Variants in FMN1 observed in about 807,000 individuals in gnomAD.
FMN1 encodes formin 1, also known as formin-1.
In FMN1, 110 loss-of-function variants were observed where a neutral mutation model predicts 132.4. The ratio of observed to expected loss-of-function variants is 0.83; its 90% confidence interval spans 0.71 to 0.97. The LOEUF is 0.97. Among genes scored for constraint, FMN1 ranks in the 50% least tolerant of loss-of-function variants. The probability of loss-of-function intolerance (pLI) is 0.00; values close to 1 mark genes in which losing one functional copy is unlikely to be tolerated. For missense variants in FMN1, 1,792 were observed against 1,705.3 expected (o/e 1.05, Z -0.90); for synonymous variants, 722 against 651.7 (o/e 1.11, Z -1.64).
intron 10 of FMN1, among the ~76,000 whole-genome samples, chr15:32,915,770 T>C (rs2060669891): frequency 6.6e-6 from 1 of 152,252 alleles, no homozygotes; most frequent in African/African-American, 2.4e-5. Flanking sequence ...GCTACTGCAA[T>C]ATCAATCACT....
intron 4 of FMN1, among the ~76,000 whole-genome samples, chr15:33,102,771 C>T (rs1377772833): frequency 6.6e-6 from 1 of 152,080 alleles, no homozygotes; most frequent in Non-Finnish European, 1.5e-5. Context: ...CATTGACTGA[C>T]ATTGGTTTTA....
chr15:32,987,585 T>C (rs2033150650), intron 7 of FMN1, among the ~76,000 whole-genome samples: 1 of 152,172 alleles, frequency 6.6e-6, no homozygotes, highest in Non-Finnish European at 1.5e-5. Flanking sequence ...ACTTTGATTT[T>C]TATAAAGATT....
chr15:33,175,348 C>T (rs1007488563), intron 3 of FMN1, among the ~76,000 whole-genome samples: 29 of 152,250 alleles, frequency 1.9e-4, no homozygotes, highest in African/African-American at 6.3e-4. Flanking sequence ...GGATTACAGG[C>T]GTAAGCCACC....
chr15:33,059,718 CACT>C (rs149812579), intron 6 of FMN1, among the ~76,000 whole-genome samples: 2,320 of 152,308 alleles, frequency 0.015, 54 homozygotes, highest in African/African-American at 0.053. Flanking sequence ...TTCATAATCT[CACT>C]ACTGTCATCT....
chr15:33,087,818 T>C (rs1338053624), intron 5 of FMN1, among the ~76,000 whole-genome samples: 1 of 152,004 alleles, frequency 6.6e-6, no homozygotes, highest in African/African-American at 2.4e-5. Flanking sequence ...TATACACATA[T>C]ATATACATAT....
intron 15 of FMN1, 28 bp from the exon 16 acceptor site, chr15:32,888,320 T>C (rs759324203): frequency 6.4e-6 from 10 of 1,557,006 alleles, no homozygotes; most frequent in South Asian, 2.5e-5. Context: ...CAAAAGTACA[T>C]TATACTTCCC....
chr15:33,183,533 G>A (rs995286286), intron 2 of FMN1, among the ~76,000 whole-genome samples: 1 of 152,136 alleles, frequency 6.6e-6, no homozygotes, highest in Non-Finnish European at 1.5e-5. Context: ...GCCTAGCACC[G>A]AGTAGACACT....
chr15:33,033,784 A>C (rs908127460), intron 6 of FMN1, among the ~76,000 whole-genome samples: 1 of 152,058 alleles, frequency 6.6e-6, no homozygotes, highest in Non-Finnish European at 1.5e-5. Flanking sequence ...GACACCTCCA[A>C]TACTCTTTCA....
rs4567671 is a variant in FMN1 at position 33,155,203 on chromosome 15, A to G, written c.-131-158T>C. 0.31 allele frequency among the ~76,000 whole-genome samples: 46,681 copies of G among 151,900 alleles called. 8,873 individuals carry two copies. The highest frequency in any genetic ancestry group is 0.41 in the Admixed American group (6,187 of 15,252). ...ACAGCCAGATTTCAATCTCTTCCTC[A>G]CTCCCACCCTACTCCTGATCAGTAG... On this transcript the variant is annotated intron_variant, in intron 3 of 20. Coordinates refer to ENST00000616417, the MANE Select transcript of FMN1 (RefSeq NM_001277313.2).
At chr15:32,998,171 T>C (rs867338293) in intron 7 of FMN1, among the ~76,000 whole-genome samples, 12 of 152,204 alleles carry the variant, frequency 7.9e-5, no homozygotes, top group South Asian at 4.2e-4. Context: ...TGAATAAACG[T>C]CTCTGGGCTG....
intron 7 of FMN1, among the ~76,000 whole-genome samples, chr15:32,971,957 C>T (rs1411053349): frequency 6.6e-6 from 1 of 152,122 alleles, no homozygotes; most frequent in Non-Finnish European, 1.5e-5. Flanking sequence ...TTTAGCAGCT[C>T]TGAGGTAAGG....
chr15:32,950,026 T>TATACACATACAC (rs1314945830), intron 9 of FMN1, among the ~76,000 whole-genome samples: 12 of 11,120 alleles, frequency 1.1e-3, no homozygotes, highest in South Asian at 4.0e-3. Context: ...CACATATATA[T>TATACACATACAC]ATATATACAC....
rs141134545 is a variant in FMN1, at chr15:33,119,704, T to C, written c.1868-30730A>G. Among the ~76,000 whole-genome samples the C allele has an allele frequency of 5.1e-4, 77 of 152,336 alleles. 1 individual carries two copies. In the East Asian group the frequency reaches 0.014, roughly 29 times the overall value. On this transcript the variant is annotated intron_variant, in intron 4 of 20. Coordinates refer to ENST00000616417, the MANE Select transcript of FMN1 (RefSeq NM_001277313.2). Reference sequence around the variant, plus strand: ...AAAACTTCCAAAAATTTTTTCATTTTTTTGAATCATCTCTCAAAACTAAGC... The same window carrying C: ...AAAACTTCCAAAAATTTTTTCATTTCTTTGAATCATCTCTCAAAACTAAGC...
At chr15:33,022,725 G>A (rs2035472374) in intron 6 of FMN1, among the ~76,000 whole-genome samples, 2 of 152,080 alleles carry the variant, frequency 1.3e-5, no homozygotes, top group South Asian at 4.1e-4. Context: ...GGCAGGGCAG[G>A]CAGGACATCC....
intron 7 of FMN1, among the ~76,000 whole-genome samples, chr15:32,984,035 C>T (rs1308284105): frequency 1.3e-5 from 2 of 151,824 alleles, no homozygotes; most frequent in Non-Finnish European, 2.9e-5. Flanking sequence ...CTCATTTCTT[C>T]CCCTGTCTCT....
intron 9 of FMN1, among the ~76,000 whole-genome samples, chr15:32,953,741 G>A (rs1191473094): frequency 6.6e-6 from 1 of 152,120 alleles, no homozygotes; most frequent in Non-Finnish European, 1.5e-5. Flanking sequence ...GCACAACGGG[G>A]GCTGGCCAGT....
At chr15:32,897,027 T>C (rs1405783926) in intron 15 of FMN1, among the ~76,000 whole-genome samples, 3 of 152,212 alleles carry the variant, frequency 2.0e-5, no homozygotes, top group Non-Finnish European at 4.4e-5. Context: ...ATATTCCCAC[T>C]GATGGTGCTA....
intron 17 of FMN1, among the ~76,000 whole-genome samples, chr15:32,844,301 ATG>A (rs2058811149): frequency 6.6e-6 from 1 of 152,178 alleles, no homozygotes; most frequent in African/African-American, 2.4e-5. Context: ...CCCAAGGATC[ATG>A]TGTTTGCAGT....
chr15:32,958,625 T>C (rs2140551201), intron 9 of FMN1, among the ~76,000 whole-genome samples: 1 of 152,366 alleles, frequency 6.6e-6, no homozygotes, highest in African/African-American at 2.4e-5. Context: ...GAAATTTAAA[T>C]ACTATTTTAG....
Sources: gnomAD v4.1 joint callset for allele counts (sites outside exome capture counted in the v4.1 genomes callset) on GRCh38, gnomAD v4.1.1 for gene constraint, MANE v1.5 for transcripts, NCBI Gene and HGNC (gene_info 2026-07-23, HGNC 2026-07-21) for gene names.